GRID1: variants seen among roughly 807,000 people sequenced by gnomAD.
The protein encoded by GRID1 is glutamate ionotropic receptor delta type subunit 1.
A neutral mutation model predicts 98.0 loss-of-function variants in GRID1; 28 were observed. The ratio of observed to expected loss-of-function variants is 0.29; its 90% CI spans 0.21 to 0.39. GRID1 has a LOEUF of 0.39. GRID1 is among the 10% of genes least tolerant of loss of function. The probability of loss-of-function intolerance (pLI) is 1.00; values close to 1 mark genes in which losing one functional copy is unlikely to be tolerated. For missense variants in GRID1, 1,111 were observed against 1,340.5 expected (o/e 0.83, Z 2.67); for synonymous variants, 553 against 538.5 (o/e 1.03, Z -0.37).
intron 3 of GRID1, among the ~76,000 whole-genome samples, chr10:86,166,554 T>C (rs978158960): frequency 1.1e-4 from 17 of 152,210 alleles, no homozygotes; most frequent in African/African-American, 3.1e-4. Context: ...TATCCCATTA[T>C]GCAAATAAGC....
intron 4 of GRID1, among the ~76,000 whole-genome samples, chr10:86,131,515 C>T (rs5027573): frequency 0.055 from 8,403 of 152,230 alleles, 299 homozygotes; most frequent in East Asian, 0.13. Flanking sequence ...TCTTCAGGCC[C>T]ATGCTTCAGG....
intron 8 of GRID1, among the ~76,000 whole-genome samples, chr10:85,759,086 T>C (rs1244597129): frequency 6.6e-6 from 1 of 152,222 alleles, no homozygotes; most frequent in Non-Finnish European, 1.5e-5. Context: ...TCCCTGCCAT[T>C]ATTATAATCC....
chr10:85,902,261 T>G (rs1174492317), intron 5 of GRID1, among the ~76,000 whole-genome samples: 1 of 152,166 alleles, frequency 6.6e-6, no homozygotes, highest in Admixed American at 6.5e-5. Context: ...GGGTGGGTGG[T>G]GCATACAGTG....
At chr10:85,715,976 G>A (rs1341377180) in intron 12 of GRID1, among the ~76,000 whole-genome samples, 2 of 151,198 alleles carry the variant, frequency 1.3e-5, no homozygotes, top group East Asian at 2.0e-4. Flanking sequence ...GCATGATCTC[G>A]GCTCACTGCA....
At chr10:86,294,662 A>G (rs545873400) in intron 2 of GRID1, among the ~76,000 whole-genome samples, 1 of 152,274 alleles carries the variant, frequency 6.6e-6, no homozygotes, top group African/African-American at 2.4e-5. Context: ...ATGCTTGTGT[A>G]AGAAGCCTAT....
intron 4 of GRID1, among the ~76,000 whole-genome samples, chr10:86,030,736 T>G (rs73344004): frequency 0.088 from 13,412 of 152,266 alleles, 694 homozygotes; most frequent in East Asian, 0.19. Flanking sequence ...AGTAAGGGTA[T>G]GGGAGTCCTC....
intron 4 of GRID1, among the ~76,000 whole-genome samples, chr10:85,988,611 T>G (rs544662523): frequency 6.6e-6 from 1 of 152,304 alleles, no homozygotes; most frequent in South Asian, 2.1e-4. Flanking sequence ...CCATAGGGGA[T>G]GAACAGCTCA....
chr10:85,650,459 T>A (rs949111797), intron 12 of GRID1, among the ~76,000 whole-genome samples: 17 of 152,320 alleles, frequency 1.1e-4, no homozygotes, highest in African/African-American at 3.4e-4. Context: ...AACTTGCTGA[T>A]GTCATTCAAC....
At chr10:86,328,109 A>G (rs2132100474) in intron 2 of GRID1, among the ~76,000 whole-genome samples, 1 of 152,374 alleles carries the variant, frequency 6.6e-6, no homozygotes, top group South Asian at 2.1e-4. Context: ...CAAGCTCACC[A>G]AGACATTGGT....
intron 12 of GRID1, among the ~76,000 whole-genome samples, chr10:85,707,627 G>A (rs1743277091): frequency 6.6e-6 from 1 of 152,154 alleles, no homozygotes; most frequent in African/African-American, 2.4e-5. Flanking sequence ...ATACCCAAAG[G>A]ATTATAAATC....
At chr10:86,235,624 A>G (rs576354865) in intron 2 of GRID1, among the ~76,000 whole-genome samples, 1 of 152,318 alleles carries the variant, frequency 6.6e-6, no homozygotes, top group Non-Finnish European at 1.5e-5. Flanking sequence ...TGGAAATTGC[A>G]CATAAATGGA....
intron 12 of GRID1, among the ~76,000 whole-genome samples, chr10:85,660,936 T>C (rs1840958802): frequency 6.6e-6 from 1 of 150,618 alleles, no homozygotes. Flanking sequence ...TTCAGTGTTC[T>C]CATCTACACA....
intron 4 of GRID1, among the ~76,000 whole-genome samples, chr10:86,007,414 A>G (rs370226182): frequency 2.0e-5 from 3 of 152,124 alleles, no homozygotes; most frequent in Non-Finnish European, 2.9e-5. Flanking sequence ...CCCCACCTCC[A>G]ATATTGCTGC....
intron 5 of GRID1, among the ~76,000 whole-genome samples, chr10:85,877,383 T>C (rs2131799784): frequency 6.6e-6 from 1 of 152,214 alleles, no homozygotes; most frequent in East Asian, 1.9e-4. Flanking sequence ...CTCACAGGGC[T>C]GGGTACTCCT....
intron 2 of GRID1, among the ~76,000 whole-genome samples, chr10:86,238,230 C>A (rs1345601288): frequency 1.3e-5 from 2 of 152,252 alleles, no homozygotes; most frequent in Non-Finnish European, 1.5e-5. Flanking sequence ...GAGACCTTTG[C>A]AGCAGCCCTC....
At chr10:86,347,964 C>T (rs1300574646) in intron 2 of GRID1, among the ~76,000 whole-genome samples, 1 of 152,130 alleles carries the variant, frequency 6.6e-6, no homozygotes, top group African/African-American at 2.4e-5. Context: ...GAGGCCCGGC[C>T]ACCTTCCCCA....
chr10:85,678,570 A>G (rs1281452644), intron 12 of GRID1, among the ~76,000 whole-genome samples: 2 of 152,112 alleles, frequency 1.3e-5, no homozygotes, highest in Admixed American at 6.5e-5. Flanking sequence ...TCTCTGCACC[A>G]TATCTCTTCT....
intron 2 of GRID1, among the ~76,000 whole-genome samples, chr10:86,313,817 C>G (rs371342504): frequency 6.6e-6 from 1 of 152,212 alleles, no homozygotes; most frequent in Non-Finnish European, 1.5e-5. Flanking sequence ...GACTGGCGCT[C>G]CTGGTGGCTG....
At chr10:85,858,294 G>A (rs1030924620) in intron 6 of GRID1, among the ~76,000 whole-genome samples, 1 of 152,176 alleles carries the variant, frequency 6.6e-6, no homozygotes, top group Admixed American at 6.5e-5. Context: ...CTGAGGGGGA[G>A]TAGAAGGTCA....
Sources: allele counts gnomAD v4.1 joint callset (sites outside exome capture counted in the v4.1 genomes callset), GRCh38; gene constraint gnomAD v4.1.1; transcripts MANE v1.5; gene names NCBI Gene and HGNC (gene_info 2026-07-23, HGNC 2026-07-21).